Variants in ELOVL4 observed in about 807,000 individuals in gnomAD.
The protein encoded by ELOVL4 is ELOVL fatty acid elongase 4, also known as very long chain fatty acid elongase 4.
Under a neutral mutation model 42.1 loss-of-function variants are expected in ELOVL4, and 18 were observed. The observed-to-expected ratio is 0.43, with a 90% CI of 0.30 to 0.63. The LOEUF (loss-of-function observed/expected upper bound fraction) is 0.63. Among genes scored for constraint, ELOVL4 ranks in the 30% least tolerant of loss-of-function variants. ELOVL4 has a pLI of 0.15. For missense variants in ELOVL4, 299 were observed against 376.2 expected (o/e 0.79, Z 1.70); for synonymous variants, 117 against 127.0 (o/e 0.92, Z 0.53).
Position 79,947,366 on chromosome 6 carries a change from G to T in ELOVL4, c.-87C>A. 2 of 1,073,426 alleles carry T rather than the reference G, an allele frequency of 1.9e-6. No individual in the cohort carries two copies. Among genetic ancestry groups the T allele is most frequent in the Non-Finnish European group, 1.4e-6 (1 of 720,932 alleles). The allele number at this position is 1,073,426 out of a possible 1,614,324, so 66.5% of individuals were successfully genotyped here. A position where few individuals can be genotyped will look rare whatever the true frequency, so the allele number is the denominator to read the frequency against. The stretch of plus-strand genomic sequence containing the variant: ...CGGAGGCGGTGGCGGCCGACGGGGC[G>T]AGCGGCGGCCGGGAACCCCTCTAAC... On this transcript the variant is annotated 5_prime_UTR_variant, in exon 1 of 6. Coordinates refer to ENST00000369816, the MANE Select transcript of ELOVL4 (RefSeq NM_022726.4).
chr6:79,934,354 A>G (rs1248576869), intron 1 of ELOVL4, among the ~76,000 whole-genome samples: 2 of 152,168 alleles, frequency 1.3e-5, no homozygotes, highest in African/African-American at 2.4e-5. Context: ...GCAGAACAGA[A>G]TCTATAGCTG....
At chr6:79,917,018 C>A in intron 5 of ELOVL4, 135 bp from the exon 6 acceptor site, 1 of 887,042 alleles carries the variant, frequency 1.1e-6, no homozygotes, top group Non-Finnish European at 1.8e-6. Flanking sequence ...TTTCTGGCTC[C>A]CATGGCTAGC....
chr6:79,927,322 G>C (rs1301333602), intron 1 of ELOVL4, among the ~76,000 whole-genome samples: 5 of 151,960 alleles, frequency 3.3e-5, no homozygotes, highest in Admixed American at 3.3e-4. Flanking sequence ...CTAATTTCTA[G>C]TTTATTCTTG....
In ELOVL4 at chr6:79,915,938, C is replaced by T. The variant is rs1419865704; in HGVS notation, c.*670G>A. 1 of 152,644 alleles carries T rather than the reference C, an allele frequency of 6.6e-6. No homozygotes were observed. The allele number at this position is 152,644 out of a possible 1,614,324, so 9.5% of individuals were successfully genotyped here. ...ATTGTTTCCCCACAGTGATTTGTGC[C>T]TCAAGTCATGGTGATCTCTGGGTCA... is the stretch of plus-strand genomic sequence containing the variant. On this transcript the variant is annotated 3_prime_UTR_variant, in exon 6 of 6. Coordinates refer to ENST00000369816, the MANE Select transcript of ELOVL4 (RefSeq NM_022726.4).
chr6:79,934,554 T>C (rs1052117436), intron 1 of ELOVL4, among the ~76,000 whole-genome samples: 28 of 152,314 alleles, frequency 1.8e-4, no homozygotes, highest in African/African-American at 6.3e-4. Flanking sequence ...GTATGTCTCA[T>C]GTCAGAGATA....
At chr6:79,916,998 A>C (rs1774174763) in intron 5 of ELOVL4, 115 bp from the exon 6 acceptor site, 1 of 1,174,926 alleles carries the variant, frequency 8.5e-7, no homozygotes, top group Non-Finnish European at 1.2e-6. Context: ...CACTGTGCAA[A>C]ATTTATTGTT....
Position 79,926,239 on chromosome 6 carries a change from G to C in ELOVL4, c.243C>G (p.Ile81Met). 4 of 1,613,784 alleles carry C rather than the reference G, an allele frequency of 2.5e-6. No homozygotes were observed. Among genetic ancestry groups the C allele is most frequent in the Non-Finnish European group, 3.4e-6 (4 of 1,179,900 alleles). The part of the protein sequence containing the change: ...EPFQMRLVLI[I>M]YNFGMVLLNL... ...TAAGCAAAACCATCCCAAAATTATAGATAATGAGCACTAGACGCATCTGAA... is the reference window on the plus strand; with the variant it reads ...TAAGCAAAACCATCCCAAAATTATACATAATGAGCACTAGACGCATCTGAA... The change falls in exon 2 of 6, where the codon ATC (isoleucine) becomes ATG (methionine). Residue 81 changes from isoleucine (I) to methionine (M), a missense_variant. By Grantham distance (10) the Ile-to-Met change is conservative. Coordinates refer to ENST00000369816, the MANE Select transcript of ELOVL4 (RefSeq NM_022726.4).
intron 5 of ELOVL4, among the ~76,000 whole-genome samples, chr6:79,917,922 A>C (rs530667754): frequency 6.6e-6 from 1 of 152,366 alleles, no homozygotes; most frequent in Non-Finnish European, 1.5e-5. Context: ...AAAGGAAAAA[A>C]GCCCAAAGTG....
rs1195179111 is a variant in ELOVL4 at position 79,947,221 on chromosome 6, T to C, written c.59A>G (p.Asn20Ser). ...CCAGCGGTAGAACTCTACCGTGTCG[T>C]TGAGTGCCGTGGACACTACGTTTAG... The part of the protein sequence containing the change: ...SVLNVVSTAL[N>S]DTVEFYRWTW... Residue 20 changes from asparagine to serine, a missense_variant, in exon 1 of 6, where the codon AAC (asparagine) becomes AGC (serine). Asn to Ser is a conservative substitution (Grantham distance 46). Transcript: ENST00000369816. The C allele has an allele frequency of 3.7e-6, 6 of 1,613,112 alleles. No homozygotes were observed. Among genetic ancestry groups the C allele is most frequent in the Non-Finnish European group, 4.2e-6 (5 of 1,179,534 alleles).
At chr6:79,944,169 G>T (rs1368956562) in intron 1 of ELOVL4, among the ~76,000 whole-genome samples, 1 of 152,212 alleles carries the variant, frequency 6.6e-6, no homozygotes, top group Non-Finnish European at 1.5e-5. Flanking sequence ...AATGAATAAT[G>T]TAGATAAGTT....
intron 1 of ELOVL4, among the ~76,000 whole-genome samples, chr6:79,930,677 G>A (rs1774428516): frequency 6.6e-6 from 1 of 152,022 alleles, no homozygotes; most frequent in Non-Finnish European, 1.5e-5. Context: ...AGGTTGGGGG[G>A]CTAAAACAGT....
At chr6:79,923,564 A>G (rs1377403435) in intron 3 of ELOVL4, among the ~76,000 whole-genome samples, 2 of 152,154 alleles carry the variant, frequency 1.3e-5, no homozygotes, top group East Asian at 3.8e-4. Flanking sequence ...GGCAATAGTT[A>G]TCAGAAGAAA....
rs1168483827 is a variant in ELOVL4, at chr6:79,921,459, C to CAAAAAAAAAA, written c.541+156_541+165dup. Among the ~76,000 whole-genome samples the CAAAAAAAAAA allele has an allele frequency of 1.2e-3, 51 of 42,396 alleles. 2 individuals are homozygous for CAAAAAAAAAA. The highest frequency in any genetic ancestry group is 1.4e-3 in the East Asian group (1 of 734). The allele number at this position is 42,396 out of a possible 152,430, so 27.8% of individuals were successfully genotyped here. ...CTGGTGACAGAGCGAGACTCCATCT[C>CAAAAAAAAAA]AAAAAAAAAAAAAAAAAAAAAAAAA... On this transcript the variant is annotated intron_variant, in intron 4 of 5. Transcript: ENST00000369816.
chr6:79,933,854 T>C lies in ELOVL4; in HGVS notation c.101-7473A>G, dbSNP rs536884401. 3.2e-4 allele frequency among the ~76,000 whole-genome samples: 49 copies of C among 152,212 alleles called. No individual in the cohort carries two copies. The South Asian group carries it at 9.8e-3, about 30-fold the overall frequency. Reference sequence around the variant, plus strand: ...CTGCACTGGCAATGAACAGGATAGGTAGATACGAAGGTTTCGTGGGTAAAA... The same window carrying C: ...CTGCACTGGCAATGAACAGGATAGGCAGATACGAAGGTTTCGTGGGTAAAA... On this transcript the variant is annotated intron_variant, in intron 1 of 5. Transcript: ENST00000369816.
At position 79,916,608 on chromosome 6, in the gene ELOVL4, T is replaced by A; in HGVS notation, c.945A>T (p.Ter315TyrextTer9). 6.2e-7 allele frequency: 1 copy of A among 1,613,752 alleles called. No homozygotes were observed. The highest frequency in any genetic ancestry group is 1.1e-5 in the South Asian group (1 of 91,066). ...AACAACAGTTAAGGCCCAGTTCAAT[T>A]TAATCTCCTTTTGCTTTTCCATTTT... ...KQKNGKAKGD[*>Y] The change falls in exon 6 of 6, where the codon TAA becomes TAT. Residue 315 changes from the stop codon to tyrosine (Y), a stop_lost. Transcript: ENST00000369816.
chr6:79,931,072 CTT>C (rs1347573983), intron 1 of ELOVL4, among the ~76,000 whole-genome samples: 1 of 152,080 alleles, frequency 6.6e-6, no homozygotes, highest in African/African-American at 2.4e-5. Context: ...GGGAATTTCT[CTT>C]TAGAAAGTTT....
intron 1 of ELOVL4, among the ~76,000 whole-genome samples, chr6:79,930,970 C>T (rs927404853): frequency 6.6e-6 from 1 of 152,024 alleles, no homozygotes; most frequent in African/African-American, 2.4e-5. Flanking sequence ...TGAAAAACTT[C>T]GACTAAAATC....
Position 79,919,619 on chromosome 6 carries a change from T to C in ELOVL4, c.542-72A>G, listed in dbSNP as rs1774218669. On this transcript the variant is annotated intron_variant, in intron 4 of 5. Coordinates refer to ENST00000369816, the MANE Select transcript of ELOVL4 (RefSeq NM_022726.4). The stretch of plus-strand genomic sequence containing the variant: ...GGCAGTAAGCCACTGAGATGTACAA[T>C]AAATGAATACACATTATTTTTTAAT... 2.3e-6 allele frequency: 3 copies of C among 1,295,190 alleles called. No homozygotes were observed. The East Asian group carries it at 7.1e-5, about 31-fold the overall frequency. 80.2% of individuals were successfully genotyped at this position (1,295,190 alleles called of 1,614,324 possible).
chr6:79,927,661 A>G (rs1774366522), intron 1 of ELOVL4, among the ~76,000 whole-genome samples: 1 of 152,216 alleles, frequency 6.6e-6, no homozygotes, highest in African/African-American at 2.4e-5. Context: ...TAATGAAATC[A>G]GAGTTGTTAA....
Sources: gnomAD v4.1 joint callset for allele counts (sites outside exome capture counted in the v4.1 genomes callset) on GRCh38, gnomAD v4.1.1 for gene constraint, MANE v1.5 for transcripts, NCBI Gene and HGNC (gene_info 2026-07-23, HGNC 2026-07-21) for gene names.